The following KSR2 variants were observed in gnomAD, a reference collection of about 807,000 sequenced individuals.
KSR2 encodes the protein kinase suppressor of ras 2.
In KSR2, 25 loss-of-function variants were observed where a neutral mutation model predicts 107.8. The observed-to-expected ratio is 0.23, with a 90% confidence interval of 0.17 to 0.32. The LOEUF (loss-of-function observed/expected upper bound fraction) is 0.32, where lower values mean the gene tolerates loss of function less well. KSR2 is among the 10% of genes least tolerant of loss of function. KSR2 has a pLI of 1.00. For synonymous variants in KSR2, 480 were observed against 507.0 expected, an observed-to-expected ratio of 0.95 and a Z score of 0.71; for missense variants, 887 against 1,268.9, an observed-to-expected ratio of 0.70 and a Z score of 4.57.
intron 4 of KSR2, among the ~76,000 whole-genome samples, chr12:117,742,807 G>C (rs75371140): frequency 0.029 from 4,448 of 152,278 alleles, 85 homozygotes; most frequent in Non-Finnish European, 0.049. Flanking sequence ...AGCAGAAAAA[G>C]AAGACTTGTC....
chr12:117,577,335 G>A (rs754247980), intron 7 of KSR2, among the ~76,000 whole-genome samples: 2 of 147,134 alleles, frequency 1.4e-5, no homozygotes, highest in African/African-American at 5.3e-5. Flanking sequence ...GAAGGGGTAC[G>A]TAATACATGT....
At chr12:117,531,127 C>A in intron 11 of KSR2, 114 bp from the exon 12 acceptor site, 2 of 840,656 alleles carry the variant, frequency 2.4e-6, no homozygotes, top group Non-Finnish European at 4.0e-6. Flanking sequence ...TGGATCTCTG[C>A]CCTTGGCCAA....
In KSR2 at chr12:117,803,596, G is replaced by A. The variant is rs577966260; in HGVS notation, c.473-42072C>T. 3.9e-5 allele frequency among the ~76,000 whole-genome samples: 6 copies of A among 152,186 alleles called. No individual in the cohort carries two copies. In the South Asian group the frequency reaches 8.3e-4, roughly 21 times the overall value. ...CGGGAGCCTGTAGTCCCAGCTACTC[G>A]GTAGGCTGAGGCAGGAGAATGGCAT... On this transcript the variant is annotated intron_variant, in intron 3 of 19. Transcript: ENST00000339824.
At chr12:117,724,545 C>A (rs1887338471) in intron 4 of KSR2, among the ~76,000 whole-genome samples, 1 of 152,050 alleles carries the variant, frequency 6.6e-6, no homozygotes. Flanking sequence ...ACACAACAAG[C>A]ATCATCTCTC....
intron 8 of KSR2, among the ~76,000 whole-genome samples, chr12:117,557,947 G>C (rs1307663117): frequency 2.0e-5 from 3 of 152,142 alleles, no homozygotes; most frequent in Non-Finnish European, 2.9e-5. Flanking sequence ...CTTCCAGCCA[G>C]ATTCGTCTTG....
intron 1 of KSR2, among the ~76,000 whole-genome samples, chr12:117,946,404 A>G (rs1284676974): frequency 1.3e-5 from 2 of 152,200 alleles, no homozygotes; most frequent in Non-Finnish European, 2.9e-5. Flanking sequence ...GAGGAGTATC[A>G]CCATAGACCC....
At chr12:117,527,950 AGTGTGTGT>A (rs10664320) in intron 12 of KSR2, among the ~76,000 whole-genome samples, 8,945 of 142,650 alleles carry the variant, frequency 0.063, 599 homozygotes, top group African/African-American at 0.17. Flanking sequence ...GGAAGACACA[AGTGTGTGT>A]GTGTGTGTGT....
intron 1 of KSR2, among the ~76,000 whole-genome samples, chr12:117,919,966 T>A (rs971982875): frequency 3.3e-5 from 5 of 152,244 alleles, no homozygotes; most frequent in Admixed American, 6.5e-5. Context: ...TAGATTACAA[T>A]GTAGCACTTT....
intron 4 of KSR2, among the ~76,000 whole-genome samples, chr12:117,744,645 T>C (rs370549609): frequency 1.2e-4 from 18 of 152,210 alleles, no homozygotes; most frequent in African/African-American, 4.3e-4. Context: ...CTGCCCTGCA[T>C]GGAAGCACTT....
intron 4 of KSR2, among the ~76,000 whole-genome samples, chr12:117,729,044 C>T (rs1050791616): frequency 1.3e-5 from 2 of 152,152 alleles, no homozygotes; most frequent in Non-Finnish European, 2.9e-5. Flanking sequence ...TAGCGGTACC[C>T]ACTTCAAAAT....
In KSR2 at chr12:117,873,461, CT is replaced by C. The variant is rs546188012; in HGVS notation, c.181-13031del. On this transcript the variant is annotated intron_variant, in intron 1 of 19. Coordinates refer to ENST00000339824, the MANE Select transcript of KSR2 (RefSeq NM_173598.6). ...CGTTCATTTAAAGATGTTCATGGTG[CT>C]TTTTTTTTTTTTTTTTGAGATGGAG... 4.3e-3 allele frequency among the ~76,000 whole-genome samples: 518 copies of C among 119,470 alleles called. 3 individuals carry two copies. The highest frequency in any genetic ancestry group is 9.9e-3 in the African/African-American group (308 of 31,000). The allele number at this position is 119,470 out of a possible 152,430, so 78.4% of individuals were successfully genotyped here.
At chr12:117,883,855 G>A (rs1446804446) in intron 1 of KSR2, among the ~76,000 whole-genome samples, 3 of 127,412 alleles carry the variant, frequency 2.4e-5, no homozygotes, top group Non-Finnish European at 4.7e-5. Context: ...CAGCCTGGGC[G>A]ACAGAGCAAG....
At chr12:117,875,072 G>A (rs1893792254) in intron 1 of KSR2, among the ~76,000 whole-genome samples, 1 of 152,148 alleles carries the variant, frequency 6.6e-6, no homozygotes. Flanking sequence ...TCCGGGCCTT[G>A]GCCCATCCGA....
intron 1 of KSR2, among the ~76,000 whole-genome samples, chr12:117,963,811 C>T (rs1322774992): frequency 1.3e-5 from 2 of 152,110 alleles, no homozygotes; most frequent in African/African-American, 2.4e-5. Context: ...CTCTAGGCTG[C>T]CCCATGAAGG....
chr12:117,618,878 TA>T (rs1439695896), intron 5 of KSR2, among the ~76,000 whole-genome samples: 1 of 152,164 alleles, frequency 6.6e-6, no homozygotes, highest in Non-Finnish European at 1.5e-5. Context: ...AACGGACTAA[TA>T]CGTGGCCACA....
At chr12:117,567,246 C>T (rs772682742) in intron 7 of KSR2, among the ~76,000 whole-genome samples, 11 of 152,118 alleles carry the variant, frequency 7.2e-5, no homozygotes, top group Non-Finnish European at 1.5e-4. Flanking sequence ...GGTGGCTGAG[C>T]TGAGCTTGAA....
At chr12:117,770,750 G>A (rs1447654142) in intron 3 of KSR2, among the ~76,000 whole-genome samples, 3 of 151,702 alleles carry the variant, frequency 2.0e-5, no homozygotes, top group Non-Finnish European at 4.4e-5. Context: ...GGCAGATCAC[G>A]AGGTCAGGAG....
intron 3 of KSR2, among the ~76,000 whole-genome samples, chr12:117,772,437 A>T (rs1160803354): frequency 1.3e-4 from 19 of 143,536 alleles, no homozygotes; most frequent in Admixed American, 3.5e-4. Flanking sequence ...TCCCCCAAAG[A>T]TGCACACACA....
At chr12:117,716,708 C>G (rs572561292) in intron 4 of KSR2, among the ~76,000 whole-genome samples, 10 of 152,338 alleles carry the variant, frequency 6.6e-5, no homozygotes, top group Non-Finnish European at 4.4e-5. Flanking sequence ...AATTAGCTCT[C>G]TGACCTTGGT....
Sources: gnomAD v4.1 joint callset for allele counts (sites outside exome capture counted in the v4.1 genomes callset) on GRCh38, gnomAD v4.1.1 for gene constraint, MANE v1.5 for transcripts, NCBI Gene and HGNC (gene_info 2026-07-23, HGNC 2026-07-21) for gene names.